The following CASKIN2 variants were observed in gnomAD, a reference collection of about 807,000 sequenced individuals.
CASKIN2 encodes CASK interacting protein 2, also known as caskin-2.
A neutral mutation model predicts 107.1 loss-of-function variants in CASKIN2; 41 were observed. The observed-to-expected ratio is 0.38, with a 90% CI of 0.30 to 0.50. The LOEUF (loss-of-function observed/expected upper bound fraction) is 0.50, where lower values mean the gene tolerates loss of function less well. Ranked by LOEUF, CASKIN2 falls within the 20% of genes least tolerant of loss-of-function variation. The pLI is 0.92. For synonymous variants in CASKIN2, 724 were observed against 705.6 expected (o/e 1.03, Z -0.41); for missense variants, 1,546 against 1,657.4 (o/e 0.93, Z 1.17).
Position 75,513,738 on chromosome 17 carries a change from C to T in CASKIN2, c.67G>A (p.Val23Met), listed in dbSNP as rs2053333594. 1.9e-6 allele frequency: 3 copies of T among 1,613,752 alleles called. No homozygotes were observed. Among genetic ancestry groups the T allele is most frequent in the Non-Finnish European group, 2.5e-6 (3 of 1,180,010 alleles). ...GTCTTTGTGGCCTTGACCTTCGCCA[C>T]CAGTTTCTGCACACCGGTCACATCT... is the stretch of plus-strand genomic sequence containing the variant. The part of the protein sequence containing the change: ...NGDVTGVQKL[V>M]AKVKATKTKL... The change falls in exon 2 of 20, where the codon GTG (valine) becomes ATG (methionine). Residue 23 changes from valine to methionine, a missense_variant. Physicochemically the swap from Val to Met is conservative, Grantham distance 21 (BLOSUM62 1). Around this residue, in one of 6 missense-constraint regions of CASKIN2, gnomAD observed 136 missense variants for 198.6 expected, o/e 0.68. Coordinates refer to ENST00000321617, the MANE Select transcript of CASKIN2 (RefSeq NM_020753.5).
Position 75,504,425 on chromosome 17 carries a change from A to G in CASKIN2, c.1370T>C (p.Leu457Pro). 6.2e-7 allele frequency: 1 copy of G among 1,606,980 alleles called. No individual in the cohort carries two copies. Among genetic ancestry groups the G allele is most frequent in the Non-Finnish European group, 8.5e-7 (1 of 1,175,064 alleles). ...GGTCCCCTGACCCTTCCTACCTGCC[A>G]GGGACGGCGGGTGGAGTCCTGGCAG... is the stretch of plus-strand genomic sequence containing the variant. ...QVLPGLHPPS[L>P]ADNLSHRPLA... Residue 457 changes from leucine (L) to proline (P), a missense_variant, in exon 13 of 20, where the codon CTG becomes CCG. Transcript: ENST00000321617.
chr17:75,507,849 A>G, intron 3 of CASKIN2, 168 bp from the exon 4 acceptor site: 1 of 607,592 alleles, frequency 1.6e-6, no homozygotes, highest in South Asian at 1.9e-5. Flanking sequence ...ACAGCATGAA[A>G]GGGCTCAGTG....
chr17:75,514,418 C>A (rs1023029029), intron 1 of CASKIN2, among the ~76,000 whole-genome samples: 1 of 151,584 alleles, frequency 6.6e-6, no homozygotes, highest in Non-Finnish European at 1.5e-5. Context: ...AGGTGGCATT[C>A]TGGGAGGGGG....
At position 75,506,241 on chromosome 17, in the gene CASKIN2, C is replaced by A; in HGVS notation, c.726+64G>T. The A allele has an allele frequency of 2.9e-6, 4 of 1,396,178 alleles. No individual in the cohort carries two copies. Among genetic ancestry groups the A allele is most frequent in the Non-Finnish European group, 4.0e-6 (4 of 995,892 alleles). The allele number at this position is 1,396,178 out of a possible 1,614,324, so 86.5% of individuals were successfully genotyped here. On this transcript the variant is annotated intron_variant, in intron 8 of 19. Transcript: ENST00000321617. This position sits in a 1 kb window ranked among gnomAD's most constrained non-coding sequence, Gnocchi z 4.8. ...AGTCCTCCGTCCCGTACCTCCCCAG[C>A]CAGTCAGGGGCACAGGGCAGAGGCT...
At chr17:75,504,522 C>A (rs935764305) in intron 12 of CASKIN2, 42 bp from the exon 13 acceptor site, 1 of 1,595,156 alleles carries the variant, frequency 6.3e-7, no homozygotes, top group Non-Finnish European at 8.6e-7. Flanking sequence ...ATTTGGGGAA[C>A]TGGCAGTGGG....
rs780739466 is a variant in CASKIN2, at chr17:75,505,532, G to A, written c.930+25C>T. ...AACAGCAATCATTTGTATTTGCAAA[G>A]GAATGCCTGCTTGGGGTCCCTCACC... On this transcript the variant is annotated intron_variant, in intron 10 of 19. Coordinates refer to ENST00000321617, the MANE Select transcript of CASKIN2 (RefSeq NM_020753.5). This position sits in a 1 kb window ranked among gnomAD's most constrained non-coding sequence, Gnocchi z 5.1. The A allele has an allele frequency of 6.2e-7, 1 of 1,606,034 alleles. No homozygotes were observed. The highest frequency in any genetic ancestry group is 8.5e-7 in the Non-Finnish European group (1 of 1,173,332).
intron 1 of CASKIN2, among the ~76,000 whole-genome samples, chr17:75,514,954 A>T (rs1385485654): frequency 6.6e-6 from 1 of 151,986 alleles, no homozygotes; most frequent in Admixed American, 6.6e-5. Flanking sequence ...AGCTTACGTC[A>T]GTTTCTCGGT....
chr17:75,513,814 T>C lies in CASKIN2; in HGVS notation c.-10A>G, dbSNP rs1598471239. On this transcript the variant is annotated 5_prime_UTR_variant, in exon 2 of 20. Coordinates refer to ENST00000321617, the MANE Select transcript of CASKIN2 (RefSeq NM_020753.5). ...CCTGTTCACGACCCATACTGGCTCC[T>C]GGGCTGAGCTCTACACTCAGGAGTC... The C allele has an allele frequency of 6.3e-7, 1 of 1,593,584 alleles. No individual in the cohort carries two copies. The highest frequency in any genetic ancestry group is 2.3e-5 in the East Asian group (1 of 43,944).
intron 2 of CASKIN2, among the ~76,000 whole-genome samples, 196 bp from the exon 3 acceptor site, chr17:75,508,481 A>T (rs568766260): frequency 6.6e-6 from 1 of 152,296 alleles, no homozygotes; most frequent in Admixed American, 6.5e-5. Flanking sequence ...TGAGGGCAGG[A>T]TGCTGCTGCG....
chr17:75,509,673 T>G, intron 2 of CASKIN2: 1 of 984,558 alleles, frequency 1.0e-6, no homozygotes, highest in South Asian at 4.7e-5. Context: ...GAAGCGGAAG[T>G]GCACAGTTCA....
Position 75,505,521 on chromosome 17 carries a change from G to T in CASKIN2, c.930+36C>A, listed in dbSNP as rs751968755. The T allele has an allele frequency of 1.3e-6, 2 of 1,591,958 alleles. No individual in the cohort carries two copies. The highest frequency in any genetic ancestry group is 1.1e-5 in the South Asian group (1 of 90,634). ...CCCAAATAAGTAACAGCAATCATTT[G>T]TATTTGCAAAGGAATGCCTGCTTGG... On this transcript the variant is annotated intron_variant, in intron 10 of 19. Transcript: ENST00000321617. This position sits in a 1 kb window ranked among gnomAD's most constrained non-coding sequence, Gnocchi z 5.1.
In CASKIN2 at chr17:75,504,703, G is replaced by T. The variant is rs760356347; in HGVS notation, c.1193-10C>A. 181 of 1,585,890 alleles carry T rather than the reference G, an allele frequency of 1.1e-4. No homozygotes were observed. Among genetic ancestry groups the T allele is most frequent in the Non-Finnish European group, 1.4e-4 (167 of 1,163,110 alleles). On this transcript the variant is annotated splice_polypyrimidine_tract_variant and intron_variant, in intron 11 of 19. Transcript: ENST00000321617. ...CTATTCCTGTCACCTGCTGTGGGGG[G>T]CAGAAGCCAAGGGGTCAGAGTCCCA...
At position 75,504,806 on chromosome 17, in the gene CASKIN2, A is replaced by T. The variant is rs1300787116; in HGVS notation, c.1192+6T>A. On this transcript the variant is annotated splice_donor_region_variant and intron_variant, in intron 11 of 19. Coordinates refer to ENST00000321617, the MANE Select transcript of CASKIN2 (RefSeq NM_020753.5). ...GTGCCCAGCACTGCCCCCTGGGAGG[A>T]TGTACCTGGGCTGTCTGGGCTGAGG... 6.2e-7 allele frequency: 1 copy of T among 1,606,924 alleles called. No individual in the cohort carries two copies. Among genetic ancestry groups the T allele is most frequent in the South Asian group, 1.1e-5 (1 of 90,112 alleles).
chr17:75,513,533 C>T (rs1477761404), intron 2 of CASKIN2, among the ~76,000 whole-genome samples, 178 bp downstream of exon 2: 1 of 152,168 alleles, frequency 6.6e-6, no homozygotes, highest in Non-Finnish European at 1.5e-5. Context: ...CCTAAGGACA[C>T]ACAGCAAGGG....
At position 75,503,463 on chromosome 17, in the gene CASKIN2, C is replaced by T. The variant is rs1473318948; in HGVS notation, c.1745G>A (p.Ser582Asn). 6.2e-7 allele frequency: 1 copy of T among 1,612,844 alleles called. No homozygotes were observed. Among genetic ancestry groups the T allele is most frequent in the South Asian group, 1.1e-5 (1 of 91,078 alleles). The part of the protein sequence containing the change: ...LPQYHKQLVS[S>N]GYDSMGLVAD... ...CACCAGCCCCATGGAGTCGTAGCCG[C>T]TGCTCACCAGCTGCTTGTGGTACTG... Residue 582 changes from serine (S) to asparagine (N), a missense_variant, in exon 17 of 20, where the codon AGC (serine) becomes AAC (asparagine). Around this residue, in one of 6 missense-constraint regions of CASKIN2, gnomAD observed 1,311 missense variants for 1,311.0 expected, o/e 1.00. Transcript: ENST00000321617.
Position 75,502,881 on chromosome 17 carries a change from G to A in CASKIN2, c.2193C>T (p.Asn731=). 1 of 1,543,102 alleles carries A rather than the reference G, an allele frequency of 6.5e-7. No homozygotes were observed. Among genetic ancestry groups the A allele is most frequent in the East Asian group, 2.3e-5 (1 of 44,244 alleles). The change falls in exon 18 of 20, where the codon AAC becomes AAT. Residue 731 remains asparagine (N), a synonymous_variant. Coordinates refer to ENST00000321617, the MANE Select transcript of CASKIN2 (RefSeq NM_020753.5). The surrounding 1 kb of genome is among the most constrained non-coding windows in gnomAD (Gnocchi z 4.3). ...GGDPSPPQER[N]LPEGTERPPK... ...GGGGCCGCTCTGTGCCCTCTGGGAGGTTCCTCTCCTGGGGGGGGCTGGGAT... is the reference window on the plus strand; with the variant it reads ...GGGGCCGCTCTGTGCCCTCTGGGAGATTCCTCTCCTGGGGGGGGCTGGGAT...
chr17:75,502,489 C>A lies in CASKIN2; in HGVS notation c.2585G>T (p.Arg862Leu). Residue 862 changes from arginine (R) to leucine (L), a missense_variant, in exon 18 of 20, where the codon CGG becomes CTG. By Grantham distance (102) the Arg-to-Leu change is moderately radical (BLOSUM62 -2). Coordinates refer to ENST00000321617, the MANE Select transcript of CASKIN2 (RefSeq NM_020753.5). This position sits in a 1 kb window ranked among gnomAD's most constrained non-coding sequence, Gnocchi z 4.3. ...GTPRSQSFAL[R>L]ARRKGPPPPP... ...GGGCGGGGGGCCTTTGCGCCGGGCC[C>A]GCAGGGCAAAGGACTGGCTGCGAGG... 6.9e-7 allele frequency: 1 copy of A among 1,454,572 alleles called. No individual in the cohort carries two copies. The highest frequency in any genetic ancestry group is 2.7e-5 in the Admixed American group (1 of 36,600). 90.1% of individuals were successfully genotyped at this position (1,454,572 alleles called of 1,614,324 possible).
In CASKIN2 at chr17:75,506,776, C is replaced by T. The variant is rs769704788; in HGVS notation, c.486+23G>A. On this transcript the variant is annotated intron_variant, in intron 6 of 19. Coordinates refer to ENST00000321617, the MANE Select transcript of CASKIN2 (RefSeq NM_020753.5). The surrounding 1 kb of genome is among the most constrained non-coding windows in gnomAD (Gnocchi z 4.8). The stretch of plus-strand genomic sequence containing the variant: ...GACCCTGTAGATGTCCAGGACCCAG[C>T]ACCCCAAGGCTGCAGGCCTCACCTT... 3 of 1,613,788 alleles carry T rather than the reference C, an allele frequency of 1.9e-6. No individual in the cohort carries two copies. Among genetic ancestry groups the T allele is most frequent in the South Asian group, 2.2e-5 (2 of 91,082 alleles).
rs1010183873 is a variant in CASKIN2 at position 75,503,664 on chromosome 17, T to C, written c.1675A>G (p.Ile559Val). ...AGCCACCCTTGATGGCTCACTGGGA[T>C]GTAGCTGGGCAGCCACTCGGCGATG... The part of the protein sequence containing the change: ...LSIAEWLPSY[I>V]PTDLLEWLCA... The change falls in exon 16 of 20, where the codon ATC becomes GTC. Residue 559 changes from isoleucine to valine, a missense_variant. This residue lies in a region of CASKIN2 where 1,311 missense variants were observed against 1,311.0 expected (regional missense o/e 1.00). Transcript: ENST00000321617. 3.1e-6 allele frequency: 5 copies of C among 1,611,510 alleles called. No homozygotes were observed. Among genetic ancestry groups the C allele is most frequent in the East Asian group, 2.2e-5 (1 of 44,886 alleles).
Sources: allele counts gnomAD v4.1 joint callset (sites outside exome capture counted in the v4.1 genomes callset), GRCh38; gene constraint gnomAD v4.1.1; regional missense constraint gnomAD v4.1.1; non-coding constraint Gnocchi (gnomAD v3.1); transcripts MANE v1.5; gene names NCBI Gene and HGNC (gene_info 2026-07-23, HGNC 2026-07-21).